PINX1: variants seen among roughly 807,000 people sequenced by gnomAD.
PINX1 encodes the protein PIN2/TERF1-interacting telomerase inhibitor 1.
A neutral mutation model predicts 25.4 loss-of-function variants in PINX1; 34 were observed. That is an observed-to-expected ratio of 1.34 (90% CI 1.02 to 1.78). The LOEUF is 1.78. Ranked by LOEUF, PINX1 falls within the 40% of genes most tolerant of loss-of-function variation. PINX1 has a pLI of 0.00. For missense variants in PINX1, 592 were observed against 404.9 expected (o/e 1.46, Z -3.97); for synonymous variants, 197 against 147.7 (o/e 1.33, Z -2.42).
Position 10,765,297 on chromosome 8 carries a change from C to A in PINX1, c.*104G>T. On this transcript the variant is annotated 3_prime_UTR_variant, in exon 7 of 7. Coordinates refer to ENST00000314787, the MANE Select transcript of PINX1 (RefSeq NM_017884.6). ...GCCCATGGGCATGCCACAAGATGCG[C>A]CCAGGCGCTCTGGGGTGAACTCTGC... is the stretch of plus-strand genomic sequence containing the variant. 1 of 1,142,206 alleles carries A rather than the reference C, an allele frequency of 8.8e-7. No individual in the cohort carries two copies. The highest frequency in any genetic ancestry group is 1.2e-6 in the Non-Finnish European group (1 of 831,142). 70.8% of individuals were successfully genotyped at this position (1,142,206 alleles called of 1,614,324 possible). A position where few individuals can be genotyped will look rare whatever the true frequency, so the allele number is the denominator to read the frequency against.
At chr8:10,777,103 G>A (rs749239026) in intron 6 of PINX1, among the ~76,000 whole-genome samples, 7 of 152,192 alleles carry the variant, frequency 4.6e-5, no homozygotes, top group Non-Finnish European at 7.3e-5. Context: ...CAGGCCGAAC[G>A]TGTCCTGGTG....
At chr8:10,832,816 A>G in intron 3 of PINX1, 76 bp downstream of exon 3, 1 of 808,314 alleles carries the variant, frequency 1.2e-6, no homozygotes, top group Non-Finnish European at 2.1e-6. Context: ...GAAGCAGATG[A>G]ACCAATCAAC....
intron 6 of PINX1, among the ~76,000 whole-genome samples, chr8:10,789,049 C>A (rs1801840209): frequency 6.6e-6 from 1 of 152,170 alleles, no homozygotes; most frequent in Non-Finnish European, 1.5e-5. Context: ...AGGGACAAGC[C>A]CAGTACCGGC....
At chr8:10,795,437 G>A (rs1272808147) in intron 6 of PINX1, among the ~76,000 whole-genome samples, 1 of 152,214 alleles carries the variant, frequency 6.6e-6, no homozygotes, top group Non-Finnish European at 1.5e-5. Context: ...GTGTTGCTCT[G>A]TCGCCCAGGC....
At chr8:10,828,665 C>G (rs1011590789) in intron 4 of PINX1, among the ~76,000 whole-genome samples, 1 of 152,224 alleles carries the variant, frequency 6.6e-6, no homozygotes. Context: ...TGCGTGAGCA[C>G]CGCCAGGCCT....
At chr8:10,839,688 C>G (rs773432136) in intron 1 of PINX1, 50 bp downstream of exon 1, 52 of 1,576,584 alleles carry the variant, frequency 3.3e-5, no homozygotes, top group Non-Finnish European at 4.1e-5. Flanking sequence ...GCGCGTCACC[C>G]GGCATCTTCA....
chr8:10,766,422 G>A (rs1340112031), intron 6 of PINX1, among the ~76,000 whole-genome samples: 11 of 152,212 alleles, frequency 7.2e-5, no homozygotes, highest in African/African-American at 2.7e-4. Flanking sequence ...CTTCCATGAG[G>A]ACAGGAGCCG....
chr8:10,794,796 T>C (rs1003870145), intron 6 of PINX1, among the ~76,000 whole-genome samples: 1 of 152,158 alleles, frequency 6.6e-6, no homozygotes, highest in African/African-American at 2.4e-5. Flanking sequence ...AAAACTAAAA[T>C]CCGAGTGCAT....
chr8:10,776,595 G>A (rs960478091), intron 6 of PINX1, among the ~76,000 whole-genome samples: 1 of 152,082 alleles, frequency 6.6e-6, no homozygotes, highest in Non-Finnish European at 1.5e-5. Context: ...TGGTAACACA[G>A]AATCAAAACT....
intron 6 of PINX1, among the ~76,000 whole-genome samples, chr8:10,786,462 C>G (rs1473712723): frequency 1.3e-5 from 2 of 152,126 alleles, no homozygotes; most frequent in Non-Finnish European, 2.9e-5. Context: ...ACAGTGTGAG[C>G]AGAACTATAA....
chr8:10,767,381 T>G (rs1801087664), intron 6 of PINX1, among the ~76,000 whole-genome samples: 1 of 152,062 alleles, frequency 6.6e-6, no homozygotes, highest in South Asian at 2.1e-4. Context: ...GGCAAGTGCC[T>G]CAGACAGCTT....
At chr8:10,832,788 G>C (rs1798261457) in intron 3 of PINX1, 104 bp downstream of exon 3, 1 of 651,078 alleles carries the variant, frequency 1.5e-6, no homozygotes, top group African/African-American at 1.8e-5. Flanking sequence ...ATAAAAAGAA[G>C]TGCTGCACCA....
At position 10,826,313 on chromosome 8, in the gene PINX1, G is replaced by A. The variant is rs1798040117; in HGVS notation, c.302-69C>T. 23 of 821,266 alleles carry A rather than the reference G, an allele frequency of 2.8e-5. No homozygotes were observed. The South Asian group carries it at 3.8e-4, about 14-fold the overall frequency. The allele number at this position is 821,266 out of a possible 1,614,324, so 50.9% of individuals were successfully genotyped here. A position where few individuals can be genotyped will look rare whatever the true frequency, so the allele number is the denominator to read the frequency against. ...AATCTCATTTATTCTCCTAACAGTG[G>A]ATAGTCTTGAAAGAAAATTTTAGGA... On this transcript the variant is annotated intron_variant, in intron 4 of 6. Transcript: ENST00000314787.
At chr8:10,838,751 G>T (rs1420925532) in intron 1 of PINX1, among the ~76,000 whole-genome samples, 1 of 152,116 alleles carries the variant, frequency 6.6e-6, no homozygotes, top group Non-Finnish European at 1.5e-5. Context: ...GGTCTTACTG[G>T]CAAGAACATA....
At chr8:10,830,630 A>G (rs1256519315) in intron 4 of PINX1, among the ~76,000 whole-genome samples, 1 of 152,250 alleles carries the variant, frequency 6.6e-6, no homozygotes, top group Non-Finnish European at 1.5e-5. Flanking sequence ...ATGCTTGCAG[A>G]TTACAACAAA....
chr8:10,780,347 T>A (rs1434838560), intron 6 of PINX1, among the ~76,000 whole-genome samples: 1 of 152,200 alleles, frequency 6.6e-6, no homozygotes, highest in Non-Finnish European at 1.5e-5. Flanking sequence ...ACACTAACTA[T>A]GGGTTTTTCA....
At chr8:10,819,661 T>C (rs1348856257) in intron 6 of PINX1, among the ~76,000 whole-genome samples, 2 of 152,376 alleles carry the variant, frequency 1.3e-5, no homozygotes, top group East Asian at 3.9e-4. Flanking sequence ...CCCCATTCTT[T>C]TCTTCTAGTT....
chr8:10,804,215 T>C (rs1210439659), intron 6 of PINX1, among the ~76,000 whole-genome samples: 1 of 152,214 alleles, frequency 6.6e-6, no homozygotes, highest in East Asian at 1.9e-4. Flanking sequence ...ATGAGGAAAC[T>C]TTCCATGAAG....
At chr8:10,769,602 C>G (rs1801162731) in intron 6 of PINX1, among the ~76,000 whole-genome samples, 1 of 152,234 alleles carries the variant, frequency 6.6e-6, no homozygotes, top group African/African-American at 2.4e-5. Flanking sequence ...GCAGCTATCA[C>G]CACCGTGCCA....
Sources: allele counts gnomAD v4.1 joint callset (sites outside exome capture counted in the v4.1 genomes callset), GRCh38; gene constraint gnomAD v4.1.1; transcripts MANE v1.5; gene names NCBI Gene and HGNC (gene_info 2026-07-23, HGNC 2026-07-21).